OR5B12: variants seen among roughly 807,000 people sequenced by gnomAD.
The protein encoded by OR5B12 is olfactory receptor family 5 subfamily B member 12.
For synonymous variants in OR5B12, 154 were observed against 138.0 expected, an observed-to-expected ratio of 1.12 and a Z score of -0.81; for missense variants, 418 against 377.0, an observed-to-expected ratio of 1.11 and a Z score of -0.90.
Position 58,439,084 on chromosome 11 carries a change from C to G in OR5B12, c.*123G>C, listed in dbSNP as rs1378757675. 2.1e-6 allele frequency: 1 copy of G among 482,018 alleles called. No homozygotes were observed. The highest frequency in any genetic ancestry group is 3.8e-5 in the Admixed American group (1 of 26,600). The allele number at this position is 482,018 out of a possible 1,614,324, so 29.9% of individuals were successfully genotyped here. A position where few individuals can be genotyped will look rare whatever the true frequency, so the allele number is the denominator to read the frequency against. On this transcript the variant is annotated 3_prime_UTR_variant, in exon 2 of 2. Transcript: ENST00000641921. ...CACTTAAAGAATGAAGAAAGTATGG[C>G]CAATTCATATGTTTAAGAAAACAGT...
chr11:58,439,173 T>A lies in OR5B12; in HGVS notation c.*34A>T. 8.1e-7 allele frequency: 1 copy of A among 1,229,296 alleles called. No homozygotes were observed. The highest frequency in any genetic ancestry group is 2.4e-5 in the East Asian group (1 of 41,232). The allele number at this position is 1,229,296 out of a possible 1,614,324, so 76.1% of individuals were successfully genotyped here. A position where few individuals can be genotyped will look rare whatever the true frequency, so the allele number is the denominator to read the frequency against. On this transcript the variant is annotated 3_prime_UTR_variant, in exon 2 of 2. Transcript: ENST00000641921. ...TTGGTAGACAAAGATTAATATGAGGTGGAAAAAATTATCTTATTGTGAATT... is the reference window on the plus strand; with the variant it reads ...TTGGTAGACAAAGATTAATATGAGGAGGAAAAAATTATCTTATTGTGAATT...
intron 1 of OR5B12, among the ~76,000 whole-genome samples, chr11:58,441,365 C>G (rs1237680546): frequency 6.6e-6 from 1 of 151,992 alleles, no homozygotes; most frequent in African/African-American, 2.4e-5. Flanking sequence ...TGTTGATATT[C>G]CATTTGACTA....
chr11:58,439,185 T>C lies in OR5B12; in HGVS notation c.*22A>G, dbSNP rs1160115229. The C allele has an allele frequency of 5.9e-6, 8 of 1,361,210 alleles. No homozygotes were observed. Among genetic ancestry groups the C allele is most frequent in the African/African-American group, 2.9e-5 (2 of 68,010 alleles). 84.3% of individuals were successfully genotyped at this position (1,361,210 alleles called of 1,614,324 possible). A position where few individuals can be genotyped will look rare whatever the true frequency, so the allele number is the denominator to read the frequency against. ...GATTAATATGAGGTGGAAAAAATTA[T>C]CTTATTGTGAATTCTTTATAATTAA... On this transcript the variant is annotated 3_prime_UTR_variant, in exon 2 of 2. Transcript: ENST00000641921.
Position 58,440,110 on chromosome 11 carries a change from C to G in OR5B12, c.42G>C (p.Gly14=), listed in dbSNP as rs766728375. The G allele has an allele frequency of 6.2e-7, 1 of 1,612,596 alleles. No individual in the cohort carries two copies. The highest frequency in any genetic ancestry group is 8.5e-7 in the Non-Finnish European group (1 of 1,179,242). Residue 14 remains glycine (G), a synonymous_variant, in exon 2 of 2, where the codon GGG becomes GGC. Transcript: ENST00000641921. ...TCTGCAGTTCTGGGTCATCAGTTAA[C>G]CCCACAAGGATGAATTCAGTCACCT... is the stretch of plus-strand genomic sequence containing the variant. ...NTEVTEFILV[G]LTDDPELQIP...
At chr11:58,440,883 A>G (rs1438587433) in intron 1 of OR5B12, among the ~76,000 whole-genome samples, 3 of 152,328 alleles carry the variant, frequency 2.0e-5, no homozygotes, top group Admixed American at 1.3e-4. Flanking sequence ...TCTCTCTACA[A>G]GCTCTAATTT....
Position 58,439,932 on chromosome 11 carries a change from C to G in OR5B12, c.220G>C (p.Ala74Pro). Residue 74 changes from alanine to proline, a missense_variant, in exon 2 of 2, where the codon GCT becomes CCT. Ala to Pro is a conservative substitution (Grantham distance 27). Transcript: ENST00000641921. Reference protein sequence around the residue: ...LSLVDFGYSSAVTPKVMVGFL... With the variant: ...LSLVDFGYSSPVTPKVMVGFL... Reference sequence around the variant, plus strand: ...CCCACCATCACCTTGGGAGTGACAGCTGAGGAATAACCAAAGTCCACCAGG... The same window carrying G: ...CCCACCATCACCTTGGGAGTGACAGGTGAGGAATAACCAAAGTCCACCAGG... The G allele has an allele frequency of 6.2e-7, 1 of 1,614,054 alleles. No individual in the cohort carries two copies. Among genetic ancestry groups the G allele is most frequent in the Non-Finnish European group, 8.5e-7 (1 of 1,180,006 alleles).
Position 58,439,969 on chromosome 11 carries a change from G to A in OR5B12, c.183C>T (p.Leu61=), listed in dbSNP as rs1855483069. ...SCLHTPMYFF[L]SNLSLVDFGY... Reference sequence around the variant, plus strand: ...CAAAGTCCACCAGGGAGAGGTTACTGAGGAAGAAGTACATGGGGGTGTGGA... The same window carrying A: ...CAAAGTCCACCAGGGAGAGGTTACTAAGGAAGAAGTACATGGGGGTGTGGA... Residue 61 remains leucine (L), a synonymous_variant, in exon 2 of 2, where the codon CTC becomes CTT. Transcript: ENST00000641921. The A allele has an allele frequency of 1.9e-6, 3 of 1,614,022 alleles. No homozygotes were observed. The highest frequency in any genetic ancestry group is 2.5e-6 in the Non-Finnish European group (3 of 1,180,032).
Position 58,439,538 on chromosome 11 carries a change from T to C in OR5B12, c.614A>G (p.Asp205Gly), listed in dbSNP as rs763250730. ...CAAGATTACCAGGATAGAAAAGAGG[T>C]CATTGAATCCCACCACAAAAAAAAT... is the stretch of plus-strand genomic sequence containing the variant. Reference protein sequence around the residue: ...MVIFFVVGFNDLFSILVILIS... With the variant: ...MVIFFVVGFNGLFSILVILIS... Residue 205 changes from aspartate (D) to glycine (G), a missense_variant, in exon 2 of 2, where the codon GAC (aspartate) becomes GGC (glycine). Asp to Gly is a moderately conservative substitution (Grantham distance 94, BLOSUM62 -1). Coordinates refer to ENST00000641921, the MANE Select transcript of OR5B12 (RefSeq NM_001004733.3). The C allele has an allele frequency of 4.3e-6, 7 of 1,613,180 alleles. No homozygotes were observed. In the East Asian group the frequency reaches 6.7e-5, roughly 15 times the overall value.
rs748427854 is a variant in OR5B12 at position 58,439,491 on chromosome 11, TA to T, written c.660del (p.Phe220LeufsTer5). The T allele has an allele frequency of 1.2e-6, 2 of 1,613,968 alleles. No homozygotes were observed. Among genetic ancestry groups the T allele is most frequent in the Non-Finnish European group, 1.7e-6 (2 of 1,179,998 alleles). On this transcript the variant is annotated frameshift_variant, in exon 2 of 2. Transcript: ENST00000641921. LOFTEE classifies it low-confidence loss of function (END_TRUNC). ...GGTGAGCGCATCTTCATGATGGTGA[TA>T]AATATAAATAAGTAGGAGATCAAGA... ...LVILISYLFI[F>X]ITIMKMRSPE...
Position 58,442,156 on chromosome 11 carries a change from C to G in OR5B12, c.-130G>C, listed in dbSNP as rs1283373565. 6.6e-6 allele frequency: 1 copy of G among 152,102 alleles called. No individual in the cohort carries two copies. Among genetic ancestry groups the G allele is most frequent in the Non-Finnish European group, 1.5e-5 (1 of 68,002 alleles). The allele number at this position is 152,102 out of a possible 1,614,324, so 9.4% of individuals were successfully genotyped here. On this transcript the variant is annotated 5_prime_UTR_variant, in exon 1 of 2. Transcript: ENST00000641921. Reference sequence around the variant, plus strand: ...GGAAAACAACTTTTTGGAGACTGTTCTTTAGCGTTTGGCCAAAAGGCTTAA... The same window carrying G: ...GGAAAACAACTTTTTGGAGACTGTTGTTTAGCGTTTGGCCAAAAGGCTTAA...
rs371730905 is a variant in OR5B12, at chr11:58,440,040, C to A, written c.112G>T (p.Val38Phe). 21 of 1,613,858 alleles carry A rather than the reference C, an allele frequency of 1.3e-5. No homozygotes were observed. The African/African-American group carries it at 2.4e-4, about 18-fold the overall frequency. ...VFLFIYLITL[V>F]GNLGMIELIL... ...AATTCAATCATCCCCAGGTTCCCAA[C>A]CAGAGTGATGAGGTAGATGAAAAGG... The change falls in exon 2 of 2, where the codon GTT (valine) becomes TTT (phenylalanine). Residue 38 changes from valine (V) to phenylalanine (F), a missense_variant. Coordinates refer to ENST00000641921, the MANE Select transcript of OR5B12 (RefSeq NM_001004733.3).
rs749423623 is a variant in OR5B12 at position 58,440,022 on chromosome 11, T to C, written c.130A>G (p.Ile44Val). Residue 44 changes from isoleucine (I) to valine (V), a missense_variant, in exon 2 of 2, where the codon ATT becomes GTT. Ile to Val is a conservative substitution (Grantham distance 29). Transcript: ENST00000641921. Reference sequence around the variant, plus strand: ...CAGGAGTCCAGTAGAATCAATTCAATCATCCCCAGGTTCCCAACCAGAGTG... The same window carrying C: ...CAGGAGTCCAGTAGAATCAATTCAACCATCCCCAGGTTCCCAACCAGAGTG... The part of the protein sequence containing the change: ...LITLVGNLGM[I>V]ELILLDSCLH... 1 of 1,614,124 alleles carries C rather than the reference T, an allele frequency of 6.2e-7. No individual in the cohort carries two copies. Among genetic ancestry groups the C allele is most frequent in the South Asian group, 1.1e-5 (1 of 91,080 alleles).
chr11:58,440,439 C>A (rs1855488939), intron 1 of OR5B12, among the ~76,000 whole-genome samples: 1 of 152,268 alleles, frequency 6.6e-6, no homozygotes, highest in Non-Finnish European at 1.5e-5. Context: ...AAGATTCATA[C>A]AAGATCATCA....
At position 58,440,074 on chromosome 11, in the gene OR5B12, G is replaced by A. The variant is rs138303293; in HGVS notation, c.78C>T (p.Phe26=). ...TDDPELQIPL[F]IVFLFIYLIT... ...TGAGGTAGATGAAAAGGAAGACTATGAAGAGTGGGATCTGCAGTTCTGGGT... is the reference window on the plus strand; with the variant it reads ...TGAGGTAGATGAAAAGGAAGACTATAAAGAGTGGGATCTGCAGTTCTGGGT... The change falls in exon 2 of 2, where the codon TTC becomes TTT. Residue 26 remains phenylalanine, a synonymous_variant. Transcript: ENST00000641921. 2 of 1,614,090 alleles carry A rather than the reference G, an allele frequency of 1.2e-6. No individual in the cohort carries two copies. The highest frequency in any genetic ancestry group is 2.7e-5 in the African/African-American group (2 of 75,042).
At chr11:58,441,104 G>A (rs748291164) in intron 1 of OR5B12, among the ~76,000 whole-genome samples, 5 of 152,060 alleles carry the variant, frequency 3.3e-5, no homozygotes, top group Admixed American at 6.6e-5. Context: ...ACCATCAGTC[G>A]GTCCACAATA....
chr11:58,440,768 A>G (rs1255819010), intron 1 of OR5B12, among the ~76,000 whole-genome samples: 1 of 152,200 alleles, frequency 6.6e-6, no homozygotes, highest in African/African-American at 2.4e-5. Flanking sequence ...AACTACTTCC[A>G]ACCCTTAAAA....
chr11:58,439,549 C>A lies in OR5B12; in HGVS notation c.603G>T (p.Val201=), dbSNP rs370548841. 52 of 1,611,652 alleles carry A rather than the reference C, an allele frequency of 3.2e-5. No individual in the cohort carries two copies. The highest frequency in any genetic ancestry group is 4.2e-5 in the Non-Finnish European group (49 of 1,179,360). ...GGATAGAAAAGAGGTCATTGAATCC[C>A]ACCACAAAAAAAATAACCATCTCAC... The part of the protein sequence containing the change: ...YISEMVIFFV[V]GFNDLFSILV... Residue 201 remains valine (V), a synonymous_variant, in exon 2 of 2, where the codon GTG becomes GTT. Transcript: ENST00000641921.
At position 58,439,906 on chromosome 11, in the gene OR5B12, C is replaced by G; in HGVS notation, c.246G>C (p.Gly82=). The stretch of plus-strand genomic sequence containing the variant: ...ATATGAATTTGTCTCCTGTGAGAAA[C>G]CCCACCATCACCTTGGGAGTGACAG... ...SSAVTPKVMV[G]FLTGDKFILY... is the part of the protein sequence containing the mutation. The change falls in exon 2 of 2, where the codon GGG becomes GGC. Residue 82 remains glycine, a synonymous_variant. Coordinates refer to ENST00000641921, the MANE Select transcript of OR5B12 (RefSeq NM_001004733.3). The G allele has an allele frequency of 6.2e-7, 1 of 1,614,094 alleles. No individual in the cohort carries two copies. Among genetic ancestry groups the G allele is most frequent in the Non-Finnish European group, 8.5e-7 (1 of 1,180,024 alleles).
At chr11:58,441,505 T>G (rs1855498673) in intron 1 of OR5B12, among the ~76,000 whole-genome samples, 1 of 152,142 alleles carries the variant, frequency 6.6e-6, no homozygotes, top group Non-Finnish European at 1.5e-5. Flanking sequence ...CTCGAGGCCT[T>G]CTTGTGCTTT....
Sources: allele counts gnomAD v4.1 joint callset (sites outside exome capture counted in the v4.1 genomes callset), GRCh38; gene constraint gnomAD v4.1.1; transcripts MANE v1.5; gene names NCBI Gene and HGNC (gene_info 2026-07-23, HGNC 2026-07-21).